GCNT1: variants seen among roughly 807,000 people sequenced by gnomAD.
GCNT1 encodes glucosaminyl (N-acetyl) transferase 1, also known as beta-1,3-galactosyl-O-glycosyl-glycoprotein beta-1,6-N-acetylglucosaminyltransferase.
GCNT1 carries 16 observed loss-of-function variants against 26.2 expected under a neutral mutation model. The ratio of observed to expected loss-of-function variants is 0.61; its 90% confidence interval spans 0.41 to 0.93. The LOEUF is 0.93. GCNT1 is among the 40% of genes least tolerant of loss of function. GCNT1 has a pLI of 0.00. For missense variants in GCNT1, 477 were observed against 526.7 expected, an observed-to-expected ratio of 0.91 and a Z score of 0.92; for synonymous variants, 183 against 190.8, an observed-to-expected ratio of 0.96 and a Z score of 0.34.
chr9:76,409,635 G>A, the GCNT1 span, among the ~76,000 whole-genome samples: 3 of 151,882 alleles, frequency 2.0e-5, no homozygotes, highest in African/African-American at 7.3e-5. Flanking sequence ...TAGTAGAGAC[G>A]GAGTTTCACC....
In GCNT1 at chr9:76,503,875, A is replaced by G; in HGVS notation, c.*207A>G. ...TAGCATTAAATGTTCATCTAGAGTT[A>G]ATAGTGGGAGGAGTAAAGGTAGCCT... On this transcript the variant is annotated 3_prime_UTR_variant, in exon 4 of 4. Coordinates refer to ENST00000376730, the MANE Select transcript of GCNT1 (RefSeq NM_001490.5). The G allele has an allele frequency of 1.7e-6, 1 of 579,208 alleles. No individual in the cohort carries two copies. Among genetic ancestry groups the G allele is most frequent in the East Asian group, 3.0e-5 (1 of 33,140 alleles). 35.9% of individuals were successfully genotyped at this position (579,208 alleles called of 1,614,324 possible).
rs1825102954 is a variant in GCNT1, at chr9:76,502,437, T to C, written c.56T>C (p.Phe19Ser). The stretch of plus-strand genomic sequence containing the variant: ...TTTTCTTATCCCACCAAATACTACT[T>C]TATGGTTCTTGTTTTATCCCTAATC... ...RLFSYPTKYY[F>S]MVLVLSLITF... The change falls in exon 4 of 4, where the codon TTT becomes TCT. Residue 19 changes from phenylalanine to serine, a missense_variant. Physicochemically the swap from Phe to Ser is radical, Grantham distance 155. Coordinates refer to ENST00000376730, the MANE Select transcript of GCNT1 (RefSeq NM_001490.5). The C allele has an allele frequency of 6.2e-7, 1 of 1,613,702 alleles. No individual in the cohort carries two copies. Among genetic ancestry groups the C allele is most frequent in the East Asian group, 2.2e-5 (1 of 44,886 alleles).
At chr9:76,399,670 A>G in the GCNT1 span, 8 of 814,200 alleles carry the variant, frequency 9.8e-6, no homozygotes, top group Admixed American at 2.5e-5. Flanking sequence ...AAAAAAACCT[A>G]TTTGTTTTTA....
Position 76,502,484 on chromosome 9 carries a change from C to G in GCNT1, c.103C>G (p.His35Asp). The G allele has an allele frequency of 6.2e-7, 1 of 1,613,394 alleles. No homozygotes were observed. Among genetic ancestry groups the G allele is most frequent in the Non-Finnish European group, 8.5e-7 (1 of 1,179,344 alleles). The change falls in exon 4 of 4, where the codon CAT becomes GAT. Residue 35 changes from histidine (H) to aspartate (D), a missense_variant. Transcript: ENST00000376730. ...SLITFSVLRIHQKPEFVSVRH... is the reference protein window; with the variant it reads ...SLITFSVLRIDQKPEFVSVRH... The stretch of plus-strand genomic sequence containing the variant: ...AATCACCTTCTCCGTTTTAAGGATT[C>G]ATCAAAAGCCTGAATTTGTAAGTGT...
At chr9:76,496,571 G>A (rs761534359) in intron 2 of GCNT1, among the ~76,000 whole-genome samples, 6 of 150,596 alleles carry the variant, frequency 4.0e-5, no homozygotes, top group South Asian at 2.1e-4. Context: ...TGTCTATCTG[G>A]TGGTGCTGAC....
At chr9:76,412,538 A>G in the GCNT1 span, among the ~76,000 whole-genome samples, 1 of 152,154 alleles carries the variant, frequency 6.6e-6, no homozygotes, top group Non-Finnish European at 1.5e-5. Flanking sequence ...CAGGATACAC[A>G]ATTCTAGTTG....
At chr9:76,446,063 C>A (rs1823572929) in intron 1 of GCNT1, among the ~76,000 whole-genome samples, 1 of 152,100 alleles carries the variant, frequency 6.6e-6, no homozygotes, top group Non-Finnish European at 1.5e-5. Flanking sequence ...AACAGGAAGT[C>A]ACACATTGCT....
At chr9:76,488,360 A>G (rs1431088337) in intron 2 of GCNT1, among the ~76,000 whole-genome samples, 6 of 151,912 alleles carry the variant, frequency 3.9e-5, no homozygotes. Flanking sequence ...TGTTATTCGT[A>G]TGGTAGGTCT....
At chr9:76,433,445 G>A (rs78675138) in intron 1 of GCNT1, among the ~76,000 whole-genome samples, 3,933 of 152,272 alleles carry the variant, frequency 0.026, 158 homozygotes, top group African/African-American at 0.089. Context: ...GTGCCACGGC[G>A]TACCCCTCAT....
chr9:76,485,734 T>C (rs568570109), intron 2 of GCNT1, among the ~76,000 whole-genome samples: 269 of 138,424 alleles, frequency 1.9e-3, no homozygotes, highest in Non-Finnish European at 3.2e-3. Flanking sequence ...TCCTGTCTCT[T>C]CCTTTTTTTT....
chr9:76,402,869 G>A, the GCNT1 span, among the ~76,000 whole-genome samples: 1 of 152,130 alleles, frequency 6.6e-6, no homozygotes, highest in Admixed American at 6.5e-5. Context: ...TAGTAGAGAC[G>A]GGGTTTCACC....
chr9:76,428,302 A>AAAAAAAAAAAAAAAAAAAAAAAAAAAAG, intron 1 of GCNT1, among the ~76,000 whole-genome samples: 1 of 149,330 alleles, frequency 6.7e-6, no homozygotes, highest in Non-Finnish European at 1.5e-5. Context: ...TAAAAAAAAA[A>AAAAAAAAAAAAAAAAAAAAAAAAAAAAG]AGAGAGAGAG....
chr9:76,396,993 A>C, the GCNT1 span, among the ~76,000 whole-genome samples: 1 of 150,192 alleles, frequency 6.7e-6, no homozygotes, highest in Non-Finnish European at 1.5e-5. Flanking sequence ...CACTAAAAAA[A>C]TAAATAGGCC....
the GCNT1 span, among the ~76,000 whole-genome samples, chr9:76,413,247 A>G: frequency 1.3e-5 from 2 of 152,372 alleles, no homozygotes; most frequent in Admixed American, 6.5e-5. Flanking sequence ...TAAACTGGAC[A>G]CAGGTCAGAC....
rs1023190443 is a variant in GCNT1 at position 76,452,770 on chromosome 9, G to A, written c.-290+10455G>A. ...ACAACTGGGGACTACAATTCGATATGAGATTTGGGCAGGGACACTGATCGA... is the reference window on the plus strand; with the variant it reads ...ACAACTGGGGACTACAATTCGATATAAGATTTGGGCAGGGACACTGATCGA... On this transcript the variant is annotated intron_variant, in intron 1 of 2. Transcript: ENST00000442371. Among the ~76,000 whole-genome samples the A allele has an allele frequency of 2.6e-5, 4 of 152,246 alleles. No individual in the cohort carries two copies. In the South Asian group the frequency reaches 8.3e-4, roughly 32 times the overall value.
intron 1 of GCNT1, among the ~76,000 whole-genome samples, chr9:76,425,828 C>A (rs1337254256): frequency 6.6e-6 from 1 of 151,962 alleles, no homozygotes; most frequent in Non-Finnish European, 1.5e-5. Context: ...CATAGAGAGT[C>A]GAAGCTGTCC....
upstream of GCNT1, among the ~76,000 whole-genome samples, chr9:76,458,748 T>A (rs1379094633): frequency 1.3e-5 from 2 of 152,160 alleles, no homozygotes; most frequent in Non-Finnish European, 2.9e-5. Context: ...TCTTAAATGC[T>A]AAATTTAGGA....
At chr9:76,474,061 C>T (rs566344834) in intron 2 of GCNT1, among the ~76,000 whole-genome samples, 2 of 152,268 alleles carry the variant, frequency 1.3e-5, no homozygotes, top group Admixed American at 1.3e-4. Flanking sequence ...GGTTACGCCA[C>T]TGCACTCTAG....
At chr9:76,466,912 G>C (rs771811843) in intron 2 of GCNT1, among the ~76,000 whole-genome samples, 1 of 152,180 alleles carries the variant, frequency 6.6e-6, no homozygotes, top group Non-Finnish European at 1.5e-5. Flanking sequence ...CCTGGAAAGT[G>C]TTATGAATGA....
Sources: gnomAD v4.1 joint callset for allele counts (sites outside exome capture counted in the v4.1 genomes callset) on GRCh38, gnomAD v4.1.1 for gene constraint, MANE v1.5 for transcripts, NCBI Gene and HGNC (gene_info 2026-07-23, HGNC 2026-07-21) for gene names.